The following PPARGC1A variants were observed in gnomAD, a reference collection of about 807,000 sequenced individuals.
The protein encoded by PPARGC1A is peroxisome proliferator-activated receptor gamma coactivator 1-alpha.
Under a neutral mutation model 88.7 loss-of-function variants are expected in PPARGC1A, and 25 were observed. That is an observed-to-expected ratio of 0.28 (90% CI 0.21 to 0.39). The LOEUF (loss-of-function observed/expected upper bound fraction) is 0.39, where lower values mean the gene tolerates loss of function less well. Among genes scored for constraint, PPARGC1A ranks in the 10% least tolerant of loss-of-function variants. PPARGC1A has a pLI of 1.00. For synonymous variants in PPARGC1A, 363 were observed against 355.6 expected, an observed-to-expected ratio of 1.02 and a Z score of -0.24; for missense variants, 880 against 968.7, an observed-to-expected ratio of 0.91 and a Z score of 1.22.
chr4:23,933,950 G>A, the PPARGC1A span, among the ~76,000 whole-genome samples: 226 of 152,282 alleles, frequency 1.5e-3, no homozygotes, highest in Middle Eastern at 3.4e-3. Context: ...TTGCTAGGCC[G>A]AACTGTCCAC....
chr4:23,843,463 A>G (rs1727427873), intron 2 of PPARGC1A, among the ~76,000 whole-genome samples: 1 of 152,088 alleles, frequency 6.6e-6, no homozygotes, highest in African/African-American at 2.4e-5. Flanking sequence ...TGCAAATCAT[A>G]TAGAACAGTG....
At chr4:24,412,084 C>G in the PPARGC1A span, among the ~76,000 whole-genome samples, 1 of 152,182 alleles carries the variant, frequency 6.6e-6, no homozygotes, top group East Asian at 1.9e-4. Context: ...TGGTAGGAAA[C>G]TGCCAAACAG....
intron 2 of PPARGC1A, among the ~76,000 whole-genome samples, chr4:23,836,879 T>C (rs1385842048): frequency 6.6e-6 from 1 of 152,108 alleles, no homozygotes; most frequent in Non-Finnish European, 1.5e-5. Flanking sequence ...ATCCACTAAA[T>C]TAAGGAGGAG....
At chr4:24,292,467 C>T in the PPARGC1A span, among the ~76,000 whole-genome samples, 1 of 151,386 alleles carries the variant, frequency 6.6e-6, no homozygotes, top group African/African-American at 2.4e-5. Context: ...TGCCTTTCTG[C>T]CTCCCCTATG....
At chr4:23,887,252 G>T (rs570483597) in intron 1 of PPARGC1A, among the ~76,000 whole-genome samples, 117 of 152,250 alleles carry the variant, frequency 7.7e-4, no homozygotes, top group African/African-American at 2.8e-3. Flanking sequence ...TGAGAAAAGT[G>T]CATGTGTTCT....
chr4:24,226,338 G>C, the PPARGC1A span, among the ~76,000 whole-genome samples: 43 of 152,206 alleles, frequency 2.8e-4, no homozygotes, highest in African/African-American at 1.0e-3. Flanking sequence ...ATAGATGTTC[G>C]CCGTGGAATA....
At chr4:24,332,334 G>T in the PPARGC1A span, among the ~76,000 whole-genome samples, 18 of 152,028 alleles carry the variant, frequency 1.2e-4, no homozygotes, top group Admixed American at 1.2e-3. Context: ...CAAGAAGAGA[G>T]GGTGGCCAAG....
the PPARGC1A span, among the ~76,000 whole-genome samples, chr4:24,240,874 G>A: frequency 6.6e-6 from 1 of 152,244 alleles, no homozygotes; most frequent in East Asian, 1.9e-4. Flanking sequence ...CCTCTCCCCA[G>A]TCCATCCAAG....
the PPARGC1A span, among the ~76,000 whole-genome samples, chr4:24,014,685 A>G: frequency 0.95 from 144,376 of 152,152 alleles, 68,567 homozygotes; most frequent in African/African-American, 0.98. Flanking sequence ...GCAGCTCACA[A>G]TATAGCTGCT....
the PPARGC1A span, among the ~76,000 whole-genome samples, chr4:24,156,096 T>C: frequency 3.6e-4 from 55 of 152,360 alleles, 1 homozygote; most frequent in Middle Eastern, 0.031. Context: ...TTTCTCATTT[T>C]GGAGATGGAT....
chr4:23,925,044 C>T, the PPARGC1A span, among the ~76,000 whole-genome samples: 1 of 152,218 alleles, frequency 6.6e-6, no homozygotes, highest in Non-Finnish European at 1.5e-5. Flanking sequence ...CAAGTGTCCT[C>T]AGAAGAAACG....
chr4:24,408,118 G>A, the PPARGC1A span, among the ~76,000 whole-genome samples: 1 of 152,148 alleles, frequency 6.6e-6, no homozygotes, highest in Non-Finnish European at 1.5e-5. Context: ...CTGAACTTGA[G>A]TGAGCTTCTG....
At chr4:24,185,009 G>C in the PPARGC1A span, among the ~76,000 whole-genome samples, 1 of 152,170 alleles carries the variant, frequency 6.6e-6, no homozygotes, top group African/African-American at 2.4e-5. Flanking sequence ...AGAATATTTT[G>C]TTCACGGTAT....
the PPARGC1A span, among the ~76,000 whole-genome samples, chr4:24,346,579 C>T: frequency 6.6e-6 from 1 of 152,038 alleles, no homozygotes; most frequent in Admixed American, 6.6e-5. Context: ...TTCATAGTAG[C>T]CTTGAATCAT....
chr4:24,268,820 T>C, the PPARGC1A span, among the ~76,000 whole-genome samples: 8 of 152,196 alleles, frequency 5.3e-5, no homozygotes, highest in African/African-American at 4.8e-5. Context: ...AAAAGCAAAA[T>C]GCAAACTAAT....
At chr4:23,933,804 G>C in the PPARGC1A span, among the ~76,000 whole-genome samples, 2 of 152,200 alleles carry the variant, frequency 1.3e-5, no homozygotes, top group African/African-American at 4.8e-5. Context: ...TATGCCACAG[G>C]GTATCAGCAG....
At chr4:24,199,353 C>CAGTGAT in the PPARGC1A span, among the ~76,000 whole-genome samples, 1 of 152,032 alleles carries the variant, frequency 6.6e-6, no homozygotes, top group African/African-American at 2.4e-5. Context: ...TATCACAGTC[C>CAGTGAT]AGTGATAGAA....
the PPARGC1A span, among the ~76,000 whole-genome samples, chr4:24,393,117 G>A: frequency 6.6e-6 from 1 of 151,818 alleles, no homozygotes; most frequent in Middle Eastern, 3.2e-3. Flanking sequence ...GGTTTCTGAT[G>A]ATTCTACAAA....
the PPARGC1A span, among the ~76,000 whole-genome samples, chr4:24,296,765 G>A: frequency 6.6e-6 from 1 of 152,070 alleles, no homozygotes; most frequent in Non-Finnish European, 1.5e-5. Flanking sequence ...AACTGATTTA[G>A]TCTGCAAATC....
Sources: gnomAD v4.1 joint callset for allele counts (sites outside exome capture counted in the v4.1 genomes callset) on GRCh38, gnomAD v4.1.1 for gene constraint, MANE v1.5 for transcripts, NCBI Gene and HGNC (gene_info 2026-07-23, HGNC 2026-07-21) for gene names.